MAML3: variants seen among roughly 807,000 people sequenced by gnomAD.
MAML3 encodes mastermind-like protein 3.
In MAML3, 27 loss-of-function variants were observed where a neutral mutation model predicts 101.9. The observed-to-expected ratio is 0.27, with a 90% confidence interval of 0.20 to 0.37. The LOEUF (loss-of-function observed/expected upper bound fraction) is 0.37. MAML3 is among the 10% of genes least tolerant of loss of function. The pLI is 1.00. For missense variants in MAML3, 1,316 were observed against 1,444.9 expected (o/e 0.91, Z 1.45); for synonymous variants, 501 against 555.9 (o/e 0.90, Z 1.39).
chr4:139,979,420 C>T (rs927268183), intron 1 of MAML3, among the ~76,000 whole-genome samples: 3 of 152,136 alleles, frequency 2.0e-5, no homozygotes, highest in Admixed American at 6.5e-5. Context: ...TCCATTTGCC[C>T]CTGTCTGCTG....
At chr4:140,035,649 C>T (rs1342182179) in intron 1 of MAML3, among the ~76,000 whole-genome samples, 1 of 151,902 alleles carries the variant, frequency 6.6e-6, no homozygotes. Context: ...AAAAATTTAG[C>T]CGGGCGTGGT....
intron 1 of MAML3, among the ~76,000 whole-genome samples, chr4:139,948,226 G>T (rs186160508): frequency 6.6e-6 from 1 of 152,026 alleles, no homozygotes; most frequent in East Asian, 1.9e-4. Context: ...ATTTACAAAG[G>T]TAAATTAGAT....
intron 2 of MAML3, among the ~76,000 whole-genome samples, chr4:139,739,595 A>G (rs1729082310): frequency 2.0e-5 from 3 of 152,034 alleles, no homozygotes; most frequent in Admixed American, 1.3e-4. Flanking sequence ...TAGGCAGCCA[A>G]TAAAAATCAT....
intron 2 of MAML3, among the ~76,000 whole-genome samples, chr4:139,875,916 CAAAAAAAAAAAA>C (rs57104878): frequency 3.7e-5 from 3 of 81,564 alleles, no homozygotes; most frequent in Admixed American, 1.5e-4. Context: ...TCACAAACAG[CAAAAAAAAAAAA>C]AAAAAAAAAA....
intron 2 of MAML3, among the ~76,000 whole-genome samples, chr4:139,777,719 C>T (rs140405566): frequency 2.6e-5 from 4 of 152,322 alleles, no homozygotes; most frequent in South Asian, 2.1e-4. Flanking sequence ...ATAAATCAGA[C>T]GATGTTACTT....
chr4:140,044,265 G>A (rs1401649203), intron 1 of MAML3, among the ~76,000 whole-genome samples: 5 of 152,180 alleles, frequency 3.3e-5, no homozygotes, highest in Non-Finnish European at 5.9e-5. Flanking sequence ...AGGAGAGAGG[G>A]AGGGCTTAAA....
At chr4:139,749,473 C>T (rs1412019376) in intron 2 of MAML3, among the ~76,000 whole-genome samples, 1 of 152,162 alleles carries the variant, frequency 6.6e-6, no homozygotes, top group African/African-American at 2.4e-5. Context: ...AAGAGCAGCT[C>T]ATAAACCTCA....
intron 2 of MAML3, among the ~76,000 whole-genome samples, chr4:139,851,385 A>G (rs1202417862): frequency 1.3e-5 from 2 of 152,236 alleles, no homozygotes; most frequent in Non-Finnish European, 2.9e-5. Context: ...GCCAGCTCCT[A>G]TTGGCTCTGC....
chr4:139,797,233 T>C (rs778889646), intron 2 of MAML3, among the ~76,000 whole-genome samples: 3 of 152,222 alleles, frequency 2.0e-5, no homozygotes, highest in Non-Finnish European at 4.4e-5. Context: ...CATATACACA[T>C]GCTGACATTT....
chr4:139,881,280 G>T (rs1231327939), intron 2 of MAML3, among the ~76,000 whole-genome samples: 4 of 152,138 alleles, frequency 2.6e-5, no homozygotes, highest in Non-Finnish European at 4.4e-5. Context: ...AGCCAGAGTG[G>T]GTTGAGGAGC....
chr4:139,802,205 A>T (rs183917211), intron 2 of MAML3, among the ~76,000 whole-genome samples: 15 of 152,164 alleles, frequency 9.9e-5, no homozygotes, highest in Non-Finnish European at 2.9e-5. Context: ...AAGATATCCT[A>T]TAACTGGGAC....
At chr4:139,924,397 A>C (rs796319997) in intron 1 of MAML3, among the ~76,000 whole-genome samples, 12 of 152,314 alleles carry the variant, frequency 7.9e-5, no homozygotes, top group South Asian at 6.2e-4. Context: ...TATATAAAGA[A>C]CTATCTCTGA....
intron 1 of MAML3, among the ~76,000 whole-genome samples, chr4:140,041,213 CA>C (rs756158484): frequency 3.9e-5 from 6 of 152,048 alleles, no homozygotes; most frequent in Non-Finnish European, 7.4e-5. Flanking sequence ...GGTCTTGAAG[CA>C]TCAACTTGAA....
intron 1 of MAML3, among the ~76,000 whole-genome samples, chr4:139,949,349 A>G (rs537485238): frequency 5.3e-5 from 8 of 152,254 alleles, no homozygotes; most frequent in Admixed American, 4.6e-4. Context: ...GACTCTTATC[A>G]TAAGATAGAA....
rs570700966 is a variant in MAML3 at position 140,091,537 on chromosome 4, C to CAAAAAAAAAAAAA, written c.468+61322_468+61323insTTTTTTTTTTTTT. On this transcript the variant is annotated intron_variant, in intron 1 of 4. Transcript: ENST00000509479. Reference sequence around the variant, plus strand: ...TGTAAAACAAAACAAAACAACAAAACAAAAACAAAACAAAAAAAAAAAACA... The same window carrying CAAAAAAAAAAAAA: ...TGTAAAACAAAACAAAACAACAAAACAAAAAAAAAAAAAAAAAACAAAACAAAAAAAAAAAACA... Among the ~76,000 whole-genome samples the CAAAAAAAAAAAAA allele has an allele frequency of 5.6e-4, 40 of 71,524 alleles. 1 individual carries two copies. The highest frequency in any genetic ancestry group is 6.6e-4 in the African/African-American group (14 of 21,252). The allele number at this position is 71,524 out of a possible 152,430, so 46.9% of individuals were successfully genotyped here. A position where few individuals can be genotyped will look rare whatever the true frequency, so the allele number is the denominator to read the frequency against.
At chr4:140,130,258 C>T (rs894465004) in intron 1 of MAML3, among the ~76,000 whole-genome samples, 1 of 152,184 alleles carries the variant, frequency 6.6e-6, no homozygotes, top group African/African-American at 2.4e-5. Flanking sequence ...AGACATGAAC[C>T]CTTAGAATTG....
chr4:140,026,193 T>C (rs1217126178), intron 1 of MAML3, among the ~76,000 whole-genome samples: 1 of 152,156 alleles, frequency 6.6e-6, no homozygotes, highest in African/African-American at 2.4e-5. Context: ...AAAACATATA[T>C]ATGTGTGTGT....
chr4:139,812,403 A>ATAG (rs1272976099), intron 2 of MAML3, among the ~76,000 whole-genome samples: 2 of 152,218 alleles, frequency 1.3e-5, no homozygotes, highest in African/African-American at 2.4e-5. Context: ...CATTCCGTGC[A>ATAG]TAGTACATGG....
In MAML3 at chr4:140,084,390, C is replaced by T. The variant is rs528771845; in HGVS notation, c.468+68470G>A. ...TGCCACGTGCACAACCTAATGTGCA[C>T]GTATACACAGGGAATGAAGGTATGA... On this transcript the variant is annotated intron_variant, in intron 1 of 4. Coordinates refer to ENST00000509479, the MANE Select transcript of MAML3 (RefSeq NM_018717.5). Among the ~76,000 whole-genome samples, 9 of 152,086 alleles carry T rather than the reference C, an allele frequency of 5.9e-5. No homozygotes were observed. The East Asian group carries it at 1.5e-3, about 26-fold the overall frequency.
Sources: allele counts gnomAD v4.1 joint callset (sites outside exome capture counted in the v4.1 genomes callset), GRCh38; gene constraint gnomAD v4.1.1; transcripts MANE v1.5; gene names NCBI Gene and HGNC (gene_info 2026-07-23, HGNC 2026-07-21).